CD84: variants seen among roughly 807,000 people sequenced by gnomAD.
CD84 encodes the protein SLAM family member 5.
In CD84, 22 loss-of-function variants were observed where a neutral mutation model predicts 33.8. That is an observed-to-expected ratio of 0.65 (90% confidence interval 0.46 to 0.93). The LOEUF (loss-of-function observed/expected upper bound fraction) is 0.93. CD84 is among the 40% of genes least tolerant of loss of function. The pLI, the probability that CD84 is intolerant of heterozygous loss-of-function variation, is 0.00. For synonymous variants in CD84, 154 were observed against 145.2 expected, an observed-to-expected ratio of 1.06 and a Z score of -0.44; for missense variants, 400 against 397.6, an observed-to-expected ratio of 1.01 and a Z score of -0.05.
chr1:160,561,774 A>T (rs935488037), intron 2 of CD84, among the ~76,000 whole-genome samples: 1 of 152,164 alleles, frequency 6.6e-6, no homozygotes, highest in African/African-American at 2.4e-5. Context: ...CCATAATCTC[A>T]GGCCAATATT....
intron 1 of CD84, among the ~76,000 whole-genome samples, chr1:160,578,433 A>G (rs566678367): frequency 6.6e-6 from 1 of 152,266 alleles, no homozygotes; most frequent in East Asian, 1.9e-4. Flanking sequence ...AAATTAAAGG[A>G]GCCATAGCTT....
At chr1:160,551,982 A>G (rs1656261185) in intron 4 of CD84, among the ~76,000 whole-genome samples, 2 of 152,162 alleles carry the variant, frequency 1.3e-5, no homozygotes, top group Non-Finnish European at 2.9e-5. Flanking sequence ...ACGTCAGTGT[A>G]CTCCTTTGCT....
intron 1 of CD84, among the ~76,000 whole-genome samples, chr1:160,574,390 T>A (rs761871274): frequency 8.5e-5 from 13 of 152,294 alleles, no homozygotes; most frequent in Non-Finnish European, 1.5e-4. Flanking sequence ...TTAGTAAAAG[T>A]GTCCTGAATC....
chr1:160,571,049 T>C (rs1657664086), intron 1 of CD84: 1 of 152,160 alleles, frequency 6.6e-6, no homozygotes, highest in African/African-American at 2.4e-5. Context: ...CCCAATGACC[T>C]TGTGAACTAT....
In CD84 at chr1:160,548,264, C is replaced by T; in HGVS notation, c.979G>A (p.Val327Met). 1 of 1,614,190 alleles carries T rather than the reference C, an allele frequency of 6.2e-7. No homozygotes were observed. The highest frequency in any genetic ancestry group is 1.1e-5 in the South Asian group (1 of 91,088). The change falls in exon 7 of 7, where the codon GTG becomes ATG. Residue 327 changes from valine (V) to methionine (M), a missense_variant. Physicochemically the swap from Val to Met is conservative, Grantham distance 21 (BLOSUM62 1). Coordinates refer to ENST00000368054, the MANE Select transcript of CD84 (RefSeq NM_003874.4). ...KPPGTSSYEI[V>M]I ...GAATTCAGCCCAGCAGCCTAGATCA[C>T]AATTTCATAGCTTGAAGTCCCAGGA...
At chr1:160,557,428 C>A (rs1397847317) in intron 2 of CD84, among the ~76,000 whole-genome samples, 1 of 152,200 alleles carries the variant, frequency 6.6e-6, no homozygotes, top group African/African-American at 2.4e-5. Context: ...CAGTGATAAA[C>A]AATATACAAA....
rs1304171686 is a variant in CD84, at chr1:160,545,387, G to C, written c.*2869C>G. On this transcript the variant is annotated 3_prime_UTR_variant, in exon 7 of 7. Coordinates refer to ENST00000368054, the MANE Select transcript of CD84 (RefSeq NM_003874.4). ...CAACGCATCCACAGAGTGAGGAGTG[G>C]TTTTATTTTAGGATAAACGCAGCCT... 2.0e-5 allele frequency: 3 copies of C among 152,218 alleles called. No homozygotes were observed. The highest frequency in any genetic ancestry group is 7.2e-5 in the African/African-American group (3 of 41,450). The allele number at this position is 152,218 out of a possible 1,614,324, so 9.4% of individuals were successfully genotyped here. A position where few individuals can be genotyped will look rare whatever the true frequency, so the allele number is the denominator to read the frequency against.
chr1:160,551,167 T>C, intron 4 of CD84, 132 bp from the exon 5 acceptor site: 2 of 706,240 alleles, frequency 2.8e-6, no homozygotes, highest in Admixed American at 2.4e-5. Context: ...TCCTTTGAAA[T>C]GGATGCTTGG....
chr1:160,553,247 GT>G (rs773799863), intron 4 of CD84, 130 bp downstream of exon 4: 61 of 1,407,132 alleles, frequency 4.3e-5, no homozygotes, highest in Non-Finnish European at 5.8e-5. Context: ...CTGGGAGGTG[GT>G]GGGGTGGAGA....
intron 1 of CD84, among the ~76,000 whole-genome samples, chr1:160,576,203 A>G (rs892454676): frequency 2.0e-5 from 3 of 152,080 alleles, no homozygotes; most frequent in Admixed American, 2.0e-4. Flanking sequence ...CCCCAGGATG[A>G]TGGTTGGGGT....
At chr1:160,568,001 A>T (rs924201533) in intron 1 of CD84, among the ~76,000 whole-genome samples, 2 of 152,112 alleles carry the variant, frequency 1.3e-5, no homozygotes, top group African/African-American at 4.8e-5. Flanking sequence ...TTCGTTTTGC[A>T]CTGGGCCTCG....
chr1:160,575,494 AAC>A (rs3078967), intron 1 of CD84, among the ~76,000 whole-genome samples: 2,688 of 146,604 alleles, frequency 0.018, 75 homozygotes, highest in African/African-American at 0.061. Context: ...GTTCCTTCAA[AAC>A]ACACACACAC....
At chr1:160,577,500 G>A (rs1344082372) in intron 1 of CD84, among the ~76,000 whole-genome samples, 2 of 152,098 alleles carry the variant, frequency 1.3e-5, no homozygotes, top group Non-Finnish European at 2.9e-5. Flanking sequence ...ATGGATCCTT[G>A]ATGAAATGAA....
chr1:160,551,509 A>G (rs1321347025), intron 4 of CD84: 1 of 165,172 alleles, frequency 6.1e-6, no homozygotes, highest in Non-Finnish European at 1.3e-5. Context: ...TGTTTCATGA[A>G]CATTTATTGC....
chr1:160,578,180 G>A (rs574672372), intron 1 of CD84, among the ~76,000 whole-genome samples: 10 of 152,216 alleles, frequency 6.6e-5, no homozygotes, highest in Middle Eastern at 3.4e-3. Context: ...GATTAATAAC[G>A]TCTATCTTGC....
intron 1 of CD84, among the ~76,000 whole-genome samples, chr1:160,574,859 A>C (rs1399315392): frequency 6.6e-6 from 1 of 152,060 alleles, no homozygotes; most frequent in Non-Finnish European, 1.5e-5. Context: ...ATATTTGTAG[A>C]CCTCTTAGAA....
At chr1:160,573,926 A>G (rs1657842412) in intron 1 of CD84, among the ~76,000 whole-genome samples, 1 of 151,990 alleles carries the variant, frequency 6.6e-6, no homozygotes, top group African/African-American at 2.4e-5. Flanking sequence ...TCTCTATGAA[A>G]AAGAAAATAA....
In CD84 at chr1:160,542,521, A is replaced by T. The variant is rs1655595576; in HGVS notation, c.*5735T>A. The T allele has an allele frequency of 6.6e-6, 1 of 152,248 alleles. No homozygotes were observed. Among genetic ancestry groups the T allele is most frequent in the Non-Finnish European group, 1.5e-5 (1 of 68,046 alleles). The allele number at this position is 152,248 out of a possible 1,614,324, so 9.4% of individuals were successfully genotyped here. On this transcript the variant is annotated 3_prime_UTR_variant, in exon 7 of 7. Transcript: ENST00000368054. Reference sequence around the variant, plus strand: ...AGTTGTAAATGAAAGAGTTGAGATTATGAGCATTTAAAAATTCTCTGATGA... The same window carrying T: ...AGTTGTAAATGAAAGAGTTGAGATTTTGAGCATTTAAAAATTCTCTGATGA...
intron 1 of CD84, among the ~76,000 whole-genome samples, chr1:160,577,651 C>T (rs1658057205): frequency 6.6e-6 from 1 of 152,154 alleles, no homozygotes; most frequent in Non-Finnish European, 1.5e-5. Context: ...GTGGTAAAGC[C>T]ATGGCTCTTC....
Sources: allele counts gnomAD v4.1 joint callset (sites outside exome capture counted in the v4.1 genomes callset), GRCh38; gene constraint gnomAD v4.1.1; transcripts MANE v1.5; gene names NCBI Gene and HGNC (gene_info 2026-07-23, HGNC 2026-07-21).